The following TTN variants were observed in gnomAD, a reference collection of about 807,000 sequenced individuals.
TTN encodes titin.
A neutral mutation model predicts 3,223.0 loss-of-function variants in TTN; 1,525 were observed. The observed-to-expected ratio is 0.47, with a 90% CI of 0.45 to 0.49. The LOEUF (loss-of-function observed/expected upper bound fraction) is 0.49. Ranked by LOEUF, TTN falls within the 20% of genes least tolerant of loss-of-function variation. TTN has a pLI of 0.00. For missense variants in TTN, 40,786 were observed against 43,424.0 expected, an observed-to-expected ratio of 0.94 and a Z score of 5.40; for synonymous variants, 14,094 against 15,161.0, an observed-to-expected ratio of 0.93 and a Z score of 5.17.
Position 178,542,574 on chromosome 2 carries a change from G to C in TTN, c.97193-11C>G. On this transcript the variant is annotated splice_polypyrimidine_tract_variant and intron_variant, in intron 348 of 362. Transcript: ENST00000589042. ...GTGGACCAGGCTTGTCTATGAAAGA[G>C]AAGAAATACAGGAAATTAATTTTTA... The C allele has an allele frequency of 6.3e-7, 1 of 1,593,886 alleles. No homozygotes were observed.
Position 178,630,981 on chromosome 2 carries a change from TG to T in TTN, c.44015-39del, listed in dbSNP as rs1462716849. 7.4e-6 allele frequency: 12 copies of T among 1,611,506 alleles called. No homozygotes were observed. The East Asian group carries it at 2.7e-4, about 36-fold the overall frequency. ...AGGGCCAGCATGGGTCATTAGCCTC[TG>T]GCACAAATAACCCCAATGCTTCAAG... On this transcript the variant is annotated intron_variant, in intron 237 of 362. Coordinates refer to ENST00000589042, the MANE Select transcript of TTN (RefSeq NM_001267550.2).
At position 178,697,170 on chromosome 2, in the gene TTN, TG is replaced by T. The variant is rs940408161; in HGVS notation, c.30755-3del. The T allele has an allele frequency of 2.6e-6, 4 of 1,527,688 alleles. No individual in the cohort carries two copies. Among genetic ancestry groups the T allele is most frequent in the Admixed American group, 2.2e-5 (1 of 45,230 alleles). 94.6% of individuals were successfully genotyped at this position (1,527,688 alleles called of 1,614,324 possible). ...GAGGTGGAGGCTTCTTGACAATCTC[TG>T]GGAGTTTAAAAACATAAAAATGTGT... On this transcript the variant is annotated splice_polypyrimidine_tract_variant and splice_region_variant and intron_variant, in intron 112 of 362. Transcript: ENST00000589042.
In TTN at chr2:178,548,700, C is replaced by T. The variant is rs777345218; in HGVS notation, c.92926G>A (p.Asp30976Asn). The change falls in exon 339 of 363, where the codon GAT becomes AAT. Residue 30976 changes from aspartate to asparagine, a missense_variant. Coordinates refer to ENST00000589042, the MANE Select transcript of TTN (RefSeq NM_001267550.2). This position sits in a 1 kb window ranked among gnomAD's most constrained non-coding sequence, Gnocchi z 4.3. The part of the protein sequence containing the change: ...LSLRADIHTT[D>N]SFSTLTVENC... ...TCCACAGTGAGGGTGCTGAAGGAAT[C>T]TGTTGTATGGATATCAGCCCGAAGG... 4 of 1,613,754 alleles carry T rather than the reference C, an allele frequency of 2.5e-6. No homozygotes were observed. In the African/African-American group the frequency reaches 5.3e-5, roughly 22 times the overall value.
chr2:178,712,669 A>AAT (rs1273988719), intron 94 of TTN, 28 bp downstream of exon 94: 53 of 1,608,178 alleles, frequency 3.3e-5, no homozygotes, highest in Non-Finnish European at 4.2e-5. Flanking sequence ...TACTAATCGT[A>AAT]TAAATCTAGA....
At chr2:178,758,271 C>G (rs150756000) in intron 44 of TTN, among the ~76,000 whole-genome samples, 33 of 152,222 alleles carry the variant, frequency 2.2e-4, no homozygotes, top group Admixed American at 5.9e-4. Context: ...CATCTAGTTA[C>G]AGTTAATGCA....
At chr2:178,547,373 A>G in intron 339 of TTN, 34 bp downstream of exon 339, 2 of 1,580,488 alleles carry the variant, frequency 1.3e-6, no homozygotes, top group Non-Finnish European at 1.7e-6. Context: ...ATTTAATAAT[A>G]GAGACTTTGA....
Position 178,580,373 on chromosome 2 carries a change from G to A in TTN, c.67006C>T (p.Leu22336=), listed in dbSNP as rs749894015. ...KYDAGKYILT[L]ENSCGKKEYT... is the part of the protein sequence containing the mutation. The stretch of plus-strand genomic sequence containing the variant: ...TCCTTTTTACCACAGCTGTTCTCCA[G>A]GGTTAAGATATATTTTCCTGCATCA... The change falls in exon 317 of 363, where the codon CTG becomes TTG. Residue 22336 remains leucine (L), a synonymous_variant. Transcript: ENST00000589042. The A allele has an allele frequency of 6.2e-7, 1 of 1,613,188 alleles. No homozygotes were observed. The highest frequency in any genetic ancestry group is 8.5e-7 in the Non-Finnish European group (1 of 1,179,434).
In TTN at chr2:178,653,269, A is replaced by T. The variant is rs747064993; in HGVS notation, c.38760T>A (p.Pro12920=). 1.2e-6 allele frequency: 2 copies of T among 1,612,478 alleles called. No homozygotes were observed. Among genetic ancestry groups the T allele is most frequent in the Non-Finnish European group, 1.7e-6 (2 of 1,179,466 alleles). ...CAGGTGGGACTTCAGGCTTTTTAGGAGGAGCCAAGGGCACTTTCTTTTCAA... is the reference window on the plus strand; with the variant it reads ...CAGGTGGGACTTCAGGCTTTTTAGGTGGAGCCAAGGGCACTTTCTTTTCAA... ...VVLEKKVPLA[P]PKKPEVPPVK... Residue 12920 remains proline, a synonymous_variant, in exon 198 of 363, where the codon CCT becomes CCA. Coordinates refer to ENST00000589042, the MANE Select transcript of TTN (RefSeq NM_001267550.2).
intron 10 of TTN, among the ~76,000 whole-genome samples, chr2:178,791,663 A>ATGTGTGTGTGTGTG (rs58282760): frequency 1.2e-4 from 17 of 147,388 alleles, no homozygotes; most frequent in Non-Finnish European, 2.1e-4. Flanking sequence ...GTATGTGTAT[A>ATGTGTGTGTGTGTG]TGTGTGTGTG....
chr2:178,576,531 G>C lies in TTN; in HGVS notation c.69713C>G (p.Ala23238Gly), dbSNP rs1371986518. 1.9e-6 allele frequency: 3 copies of C among 1,612,606 alleles called. No individual in the cohort carries two copies. Among genetic ancestry groups the C allele is most frequent in the Non-Finnish European group, 2.5e-6 (3 of 1,179,442 alleles). ...TGTTGAAAAAGACAAATACTAACAT[G>C]CTGCATCTTTCATCAGAACAGAATC... ...ASDSVLMKDA[A>G]YPPGPPSNPH... Residue 23238 changes from alanine (A) to glycine (G), a missense_variant and splice_region_variant, in exon 325 of 363, where the codon GCA becomes GGA. Coordinates refer to ENST00000589042, the MANE Select transcript of TTN (RefSeq NM_001267550.2). The surrounding 1 kb of genome is among the most constrained non-coding windows in gnomAD (Gnocchi z 4.3).
chr2:178,598,926 T>C lies in TTN; in HGVS notation c.56784A>G (p.Ser18928=). The change falls in exon 291 of 363, where the codon TCA becomes TCG. Residue 18928 remains serine (S), a synonymous_variant. Transcript: ENST00000589042. ...GYWLEMKDTT[S]KRWKRVNRDP... is the part of the protein sequence containing the mutation. ...CTCGGTTAACTCTCTTCCATCTCTTTGAAGTGGTGTCTTTCATTTCCAGCC... is the reference window on the plus strand; with the variant it reads ...CTCGGTTAACTCTCTTCCATCTCTTCGAAGTGGTGTCTTTCATTTCCAGCC... The C allele has an allele frequency of 1.2e-6, 2 of 1,612,966 alleles. No homozygotes were observed. Among genetic ancestry groups the C allele is most frequent in the Non-Finnish European group, 1.7e-6 (2 of 1,179,474 alleles).
rs2073002014 is a variant in TTN at position 178,693,629 on chromosome 2, C to A, written c.31574G>T (p.Arg10525Met). ...AATACCTTTAGGTGGTGGTTCAACCCTTTTGGAAATGGCAACGTGAATTTT... is the reference window on the plus strand; with the variant it reads ...AATACCTTTAGGTGGTGGTTCAACCATTTTGGAAATGGCAACGTGAATTTT... ...EEKIHVAISKRVEPPPKVPEL... is the reference protein window; with the variant it reads ...EEKIHVAISKMVEPPPKVPEL... The change falls in exon 119 of 363, where the codon AGG (arginine) becomes ATG (methionine). Residue 10525 changes from arginine (R) to methionine (M), a missense_variant. By Grantham distance (91) the Arg-to-Met change is moderately conservative. Coordinates refer to ENST00000589042, the MANE Select transcript of TTN (RefSeq NM_001267550.2). 6.3e-7 allele frequency: 1 copy of A among 1,598,806 alleles called. No individual in the cohort carries two copies. The highest frequency in any genetic ancestry group is 8.5e-7 in the Non-Finnish European group (1 of 1,169,690).
Position 178,756,473 on chromosome 2 carries a change from T to A in TTN, c.11003A>T (p.Asp3668Val). Residue 3668 changes from aspartate to valine, a missense_variant, in exon 46 of 363, where the codon GAC (aspartate) becomes GTC (valine). Coordinates refer to ENST00000589042, the MANE Select transcript of TTN (RefSeq NM_001267550.2). ...EAPKIFLHLQ[D>V]VTVKCGDTAQ... ...CGTGTCACCGCACTTTACAGTGACG[T>A]CCTGAAGATGCAGGAAAATCTTGGG... 1 of 1,613,854 alleles carries A rather than the reference T, an allele frequency of 6.2e-7. No individual in the cohort carries two copies. Among genetic ancestry groups the A allele is most frequent in the Non-Finnish European group, 8.5e-7 (1 of 1,179,806 alleles).
At chr2:178,622,078 A>T in intron 243 of TTN, 70 bp from the exon 244 acceptor site, 1 of 1,432,840 alleles carries the variant, frequency 7.0e-7, no homozygotes, top group Non-Finnish European at 9.4e-7. Flanking sequence ...AAGAAAAACT[A>T]TGATCCTGAG....
In TTN at chr2:178,618,496, A is replaced by T. The variant is rs1296791525; in HGVS notation, c.46967-5T>A. ...TACGTACTGGCCCAGGAACATCTGA[A>T]ATTCACATATAGAGGAATTTTTTTA... is the stretch of plus-strand genomic sequence containing the variant. On this transcript the variant is annotated splice_polypyrimidine_tract_variant and splice_region_variant and intron_variant, in intron 251 of 362. Coordinates refer to ENST00000589042, the MANE Select transcript of TTN (RefSeq NM_001267550.2). The T allele has an allele frequency of 6.2e-7, 1 of 1,610,754 alleles. No homozygotes were observed.
In TTN at chr2:178,564,860, A is replaced by C; in HGVS notation, c.81272T>G (p.Val27091Gly). 1 of 1,613,046 alleles carries C rather than the reference A, an allele frequency of 6.2e-7. No homozygotes were observed. The highest frequency in any genetic ancestry group is 1.1e-5 in the South Asian group (1 of 90,914). Residue 27091 changes from valine (V) to glycine (G), a missense_variant, in exon 326 of 363, where the codon GTG (valine) becomes GGG (glycine). Physicochemically the swap from Val to Gly is moderately radical, Grantham distance 109. Transcript: ENST00000589042. ...VTSISKDQML[V>G]QWHEPVNDGG... The stretch of plus-strand genomic sequence containing the variant: ...ATCATTCACTGGCTCATGCCATTGC[A>C]CAAGCATCTGATCTTTTGAGATTGA...
At position 178,533,668 on chromosome 2, in the gene TTN, T is replaced by C. The variant is rs1406877841; in HGVS notation, c.102947A>G (p.Tyr34316Cys). ...KYTFESDKGL[Y>C]QLTINSVTTD... ...AGTGACACTGTTGATTGTTAATTGG[T>C]AAAGACCCTTGTCTGACTCAAATGT... is the stretch of plus-strand genomic sequence containing the variant. The change falls in exon 358 of 363, where the codon TAC becomes TGC. Residue 34316 changes from tyrosine (Y) to cysteine (C), a missense_variant. Physicochemically the swap from Tyr to Cys is radical, Grantham distance 194. Transcript: ENST00000589042. 1 of 1,613,848 alleles carries C rather than the reference T, an allele frequency of 6.2e-7. No individual in the cohort carries two copies. Among genetic ancestry groups the C allele is most frequent in the Non-Finnish European group, 8.5e-7 (1 of 1,179,874 alleles).
In TTN at chr2:178,684,747, G is replaced by C; in HGVS notation, c.32557C>G (p.Pro10853Ala). ...GGAACTGGTTTCTTTGGCTCTTCTG[G>C]CACTTAAAAGATACCAGGCAATACC... ...KKEKVPPPKVPEEPKKPVPEK... is the reference protein window; with the variant it reads ...KKEKVPPPKVAEEPKKPVPEK... The change falls in exon 131 of 363, where the codon CCA becomes GCA. Residue 10853 changes from proline (P) to alanine (A), a missense_variant and splice_region_variant. Transcript: ENST00000589042. The C allele has an allele frequency of 6.2e-7, 1 of 1,613,130 alleles. No homozygotes were observed. Among genetic ancestry groups the C allele is most frequent in the Non-Finnish European group, 8.5e-7 (1 of 1,179,568 alleles).
In TTN at chr2:178,675,666, T is replaced by C; in HGVS notation, c.34537+5A>G. Reference sequence around the variant, plus strand: ...CAAACATATCCCTGTTATGGGATGATGTACCTTTGGCAGGAGGGGCCACTG... The same window carrying C: ...CAAACATATCCCTGTTATGGGATGACGTACCTTTGGCAGGAGGGGCCACTG... On this transcript the variant is annotated splice_donor_5th_base_variant and intron_variant, in intron 149 of 362. Transcript: ENST00000589042. The C allele has an allele frequency of 7.1e-7, 1 of 1,414,344 alleles. No individual in the cohort carries two copies. Among genetic ancestry groups the C allele is most frequent in the Non-Finnish European group, 9.1e-7 (1 of 1,093,376 alleles). 87.6% of individuals were successfully genotyped at this position (1,414,344 alleles called of 1,614,324 possible).
Sources: gnomAD v4.1 joint callset for allele counts (sites outside exome capture counted in the v4.1 genomes callset) on GRCh38, gnomAD v4.1.1 for gene constraint, Gnocchi (gnomAD v3.1) non-coding constraint, MANE v1.5 for transcripts, NCBI Gene and HGNC (gene_info 2026-07-23, HGNC 2026-07-21) for gene names.